Variants in SUGCT observed in about 807,000 individuals in gnomAD.
SUGCT encodes succinyl-CoA:glutarate CoA-transferase.
Under a neutral mutation model 55.0 loss-of-function variants are expected in SUGCT, and 41 were observed. That is an observed-to-expected ratio of 0.74 (90% CI 0.58 to 0.97). The LOEUF is 0.97. Ranked by LOEUF, SUGCT falls within the 50% of genes least tolerant of loss-of-function variation. The pLI is 0.00. For missense variants in SUGCT, 568 were observed against 547.8 expected (o/e 1.04, Z -0.37); for synonymous variants, 187 against 200.4 (o/e 0.93, Z 0.56).
the SUGCT span, among the ~76,000 whole-genome samples, chr7:41,035,112 G>A: frequency 6.6e-6 from 1 of 152,182 alleles, no homozygotes; most frequent in Admixed American, 6.5e-5. Flanking sequence ...TCAGTAGAGG[G>A]GCAAAGTACC....
intron 7 of SUGCT, among the ~76,000 whole-genome samples, chr7:40,262,439 A>G (rs1253934151): frequency 6.7e-6 from 1 of 149,506 alleles, no homozygotes. Flanking sequence ...TCGTGAGGTC[A>G]GGAGATCGAG....
At chr7:40,187,321 A>G (rs1785579169) in intron 3 of SUGCT, among the ~76,000 whole-genome samples, 1 of 152,094 alleles carries the variant, frequency 6.6e-6, no homozygotes, top group Non-Finnish European at 1.5e-5. Flanking sequence ...GCATTAGGAG[A>G]TATACCTAAT....
At chr7:40,718,664 C>T (rs918891700) in intron 12 of SUGCT, among the ~76,000 whole-genome samples, 2 of 152,004 alleles carry the variant, frequency 1.3e-5, no homozygotes, top group Non-Finnish European at 2.9e-5. Flanking sequence ...ATATTACTAC[C>T]AGCAGTTTGG....
At chr7:40,498,028 C>T (rs1198380716) in intron 12 of SUGCT, among the ~76,000 whole-genome samples, 1 of 151,974 alleles carries the variant, frequency 6.6e-6, no homozygotes, top group African/African-American at 2.4e-5. Flanking sequence ...TCTTGTGGTT[C>T]AATGTAATTA....
intron 12 of SUGCT, among the ~76,000 whole-genome samples, chr7:40,630,806 C>G (rs895745865): frequency 5.0e-5 from 7 of 141,082 alleles, no homozygotes; most frequent in Non-Finnish European, 9.0e-5. Flanking sequence ...AGATTCTGAG[C>G]TAACACAGTG....
chr7:40,439,062 G>GTATGTGTA lies in SUGCT; in HGVS notation c.817-10224_817-10223insATGTGTAT, dbSNP rs1491138302. Among the ~76,000 whole-genome samples, 22 of 47,032 alleles carry GTATGTGTA rather than the reference G, an allele frequency of 4.7e-4. 2 individuals are homozygous for GTATGTGTA. The highest frequency in any genetic ancestry group is 8.1e-4 in the Admixed American group (3 of 3,710). The allele number at this position is 47,032 out of a possible 152,430, so 30.9% of individuals were successfully genotyped here. A position where few individuals can be genotyped will look rare whatever the true frequency, so the allele number is the denominator to read the frequency against. On this transcript the variant is annotated intron_variant, in intron 9 of 13. Coordinates refer to ENST00000335693, the MANE Select transcript of SUGCT (RefSeq NM_001193313.2). ...TATATATATATATGGTATATATATG[G>GTATGTGTA]TGTATATATATATATATATATATAT... is the stretch of plus-strand genomic sequence containing the variant.
chr7:40,208,792 G>A (rs894750730), intron 6 of SUGCT, among the ~76,000 whole-genome samples: 40 of 152,022 alleles, frequency 2.6e-4, no homozygotes, highest in African/African-American at 9.2e-4. Flanking sequence ...CAATCCGCCC[G>A]CCTCAGACTC....
chr7:40,529,268 C>T (rs772656714), intron 12 of SUGCT, among the ~76,000 whole-genome samples: 27 of 152,158 alleles, frequency 1.8e-4, no homozygotes, highest in Non-Finnish European at 3.4e-4. Flanking sequence ...AGTGAAATGT[C>T]CAATATGACA....
At chr7:40,248,830 A>G (rs972883952) in intron 7 of SUGCT, among the ~76,000 whole-genome samples, 2 of 151,014 alleles carry the variant, frequency 1.3e-5, no homozygotes, top group Non-Finnish European at 3.0e-5. Flanking sequence ...TTAAGTTAGA[A>G]ATATCTATGC....
At chr7:40,144,468 C>A (rs1788145149) in intron 1 of SUGCT, among the ~76,000 whole-genome samples, 1 of 152,030 alleles carries the variant, frequency 6.6e-6, no homozygotes, top group South Asian at 2.1e-4. Context: ...TGAGTCTATT[C>A]CCTTTCCCAC....
intron 9 of SUGCT, 148 bp downstream of exon 9, chr7:40,317,003 G>C: frequency 2.2e-6 from 1 of 444,594 alleles, no homozygotes; most frequent in South Asian, 4.7e-5. Flanking sequence ...CTATAACAAG[G>C]TTCTGTTGTT....
chr7:40,590,559 A>G (rs1032345332), intron 12 of SUGCT, among the ~76,000 whole-genome samples: 1 of 152,248 alleles, frequency 6.6e-6, no homozygotes, highest in Admixed American at 6.5e-5. Context: ...TCTAGCTAAG[A>G]TAATTGATGA....
intron 9 of SUGCT, among the ~76,000 whole-genome samples, chr7:40,407,061 TAAAAA>T (rs893153849): frequency 6.6e-6 from 1 of 151,808 alleles, no homozygotes; most frequent in Non-Finnish European, 1.5e-5. Flanking sequence ...TCAAAAAAGA[TAAAAA>T]AAAGAACAAA....
intron 12 of SUGCT, among the ~76,000 whole-genome samples, chr7:40,593,300 C>G (rs889508789): frequency 6.6e-6 from 1 of 152,148 alleles, no homozygotes; most frequent in Non-Finnish European, 1.5e-5. Flanking sequence ...CTCCCCAAAC[C>G]CACACCATCC....
At chr7:40,229,267 C>G (rs1372240501) in intron 6 of SUGCT, among the ~76,000 whole-genome samples, 1 of 151,926 alleles carries the variant, frequency 6.6e-6, no homozygotes, top group Admixed American at 6.6e-5. Context: ...GCCTGTAATC[C>G]CAGCAGTTTG....
chr7:40,249,325 A>ATATCTATATATATC (rs1562612058), intron 7 of SUGCT, among the ~76,000 whole-genome samples: 2 of 117,426 alleles, frequency 1.7e-5, no homozygotes, highest in Non-Finnish European at 3.5e-5. Flanking sequence ...ATATATATAT[A>ATATCTATATATATC]TATATATATA....
At chr7:40,643,095 G>C (rs1800341043) in intron 12 of SUGCT, among the ~76,000 whole-genome samples, 2 of 152,184 alleles carry the variant, frequency 1.3e-5, no homozygotes, top group Admixed American at 1.3e-4. Flanking sequence ...ATTACTGGCA[G>C]TGGCACAACT....
intron 9 of SUGCT, among the ~76,000 whole-genome samples, chr7:40,344,532 A>C (rs1417877311): frequency 6.6e-6 from 1 of 152,228 alleles, no homozygotes; most frequent in Non-Finnish European, 1.5e-5. Context: ...ATAAAGTTTT[A>C]TTTAACCACA....
chr7:40,819,304 C>A (rs974559850), intron 13 of SUGCT, among the ~76,000 whole-genome samples: 7 of 152,122 alleles, frequency 4.6e-5, no homozygotes, highest in African/African-American at 1.7e-4. Flanking sequence ...AATGGTATTT[C>A]TAGTTCTAGA....
Sources: gnomAD v4.1 joint callset for allele counts (sites outside exome capture counted in the v4.1 genomes callset) on GRCh38, gnomAD v4.1.1 for gene constraint, MANE v1.5 for transcripts, NCBI Gene and HGNC (gene_info 2026-07-23, HGNC 2026-07-21) for gene names.